CCDC148: variants seen among roughly 807,000 people sequenced by gnomAD.
CCDC148 encodes coiled-coil domain-containing protein 148.
Under a neutral mutation model 85.7 loss-of-function variants are expected in CCDC148, and 89 were observed. The observed-to-expected ratio is 1.04, with a 90% CI of 0.87 to 1.24. The LOEUF (loss-of-function observed/expected upper bound fraction) is 1.24, where lower values mean the gene tolerates loss of function less well. CCDC148 is among the 50% of genes most tolerant of loss of function. The probability of loss-of-function intolerance (pLI) is 0.00; values close to 1 mark genes in which losing one functional copy is unlikely to be tolerated. For synonymous variants in CCDC148, 230 were observed against 213.9 expected (o/e 1.08, Z -0.66); for missense variants, 692 against 671.7 (o/e 1.03, Z -0.33).
At chr2:158,282,822 T>G (rs1337843908) in intron 9 of CCDC148, among the ~76,000 whole-genome samples, 5 of 152,098 alleles carry the variant, frequency 3.3e-5, no homozygotes, top group Non-Finnish European at 7.4e-5. Flanking sequence ...CATCGCCAAG[T>G]CAATCCTAAG....
At chr2:158,202,249 G>A (rs78167952) in intron 11 of CCDC148, among the ~76,000 whole-genome samples, 5,293 of 152,214 alleles carry the variant, frequency 0.035, 285 homozygotes, top group African/African-American at 0.11. Context: ...ATTAATTAAC[G>A]TATGTATCTT....
rs201238385 is a variant in CCDC148, at chr2:158,356,976, C to T, written c.147+1473G>A. ...AAACATCATTCTCAGTAAACTATCG[C>T]AAGAACAAAAAACCAAACACTGCAT... On this transcript the variant is annotated intron_variant, in intron 2 of 13. Transcript: ENST00000283233. 3.5e-4 allele frequency among the ~76,000 whole-genome samples: 52 copies of T among 148,504 alleles called. No homozygotes were observed. The East Asian group carries it at 7.5e-3, about 21-fold the overall frequency.
At chr2:158,324,233 A>G (rs1350706743) in intron 7 of CCDC148, among the ~76,000 whole-genome samples, 1 of 151,932 alleles carries the variant, frequency 6.6e-6, no homozygotes, top group Admixed American at 6.6e-5. Flanking sequence ...AACTATTTTT[A>G]TTGTTTATTT....
At chr2:158,303,692 C>T (rs936911461) in intron 9 of CCDC148, among the ~76,000 whole-genome samples, 1 of 152,106 alleles carries the variant, frequency 6.6e-6, no homozygotes, top group Non-Finnish European at 1.5e-5. Context: ...GTTCTGATTT[C>T]CCCCACTGTC....
At chr2:158,421,556 A>G (rs1686782762) in intron 1 of CCDC148, among the ~76,000 whole-genome samples, 1 of 152,218 alleles carries the variant, frequency 6.6e-6, no homozygotes, top group African/African-American at 2.4e-5. Context: ...CAAAGACACA[A>G]CATACCACCA....
At chr2:158,438,868 T>C (rs976906289) in intron 1 of CCDC148, among the ~76,000 whole-genome samples, 1 of 151,918 alleles carries the variant, frequency 6.6e-6, no homozygotes, top group African/African-American at 2.4e-5. Context: ...AACAGACACA[T>C]GAAAAAATGC....
chr2:158,296,445 G>A (rs1691192672), intron 9 of CCDC148, among the ~76,000 whole-genome samples: 1 of 151,928 alleles, frequency 6.6e-6, no homozygotes, highest in African/African-American at 2.4e-5. Flanking sequence ...TTTTTTTAAT[G>A]GCTATGTATT....
intron 8 of CCDC148, among the ~76,000 whole-genome samples, chr2:158,310,913 G>A (rs538040177): frequency 4.7e-5 from 7 of 148,880 alleles, no homozygotes; most frequent in Non-Finnish European, 8.9e-5. Flanking sequence ...CATCCCAGAC[G>A]ATGGGCGGCC....
chr2:158,262,243 T>C (rs985096093), intron 9 of CCDC148, among the ~76,000 whole-genome samples: 1 of 151,970 alleles, frequency 6.6e-6, no homozygotes, highest in Non-Finnish European at 1.5e-5. Context: ...GTATTATCCT[T>C]AGCAAACTAA....
chr2:158,289,172 T>C (rs534196583), intron 9 of CCDC148, among the ~76,000 whole-genome samples: 1 of 152,328 alleles, frequency 6.6e-6, no homozygotes, highest in East Asian at 1.9e-4. Context: ...AGGAAATTAT[T>C]TCTTACATAA....
intron 11 of CCDC148, among the ~76,000 whole-genome samples, chr2:158,205,069 A>G (rs541969945): frequency 1.8e-4 from 27 of 152,242 alleles, no homozygotes; most frequent in African/African-American, 6.5e-4. Flanking sequence ...AAAACCACAG[A>G]AGGGTTTTCA....
intron 11 of CCDC148, among the ~76,000 whole-genome samples, chr2:158,184,085 G>A (rs1685040058): frequency 6.6e-6 from 1 of 152,078 alleles, no homozygotes. Flanking sequence ...ACACGGGCTG[G>A]GAGTCTCCAC....
At chr2:158,403,137 G>A (rs986722730) in intron 1 of CCDC148, among the ~76,000 whole-genome samples, 2 of 151,980 alleles carry the variant, frequency 1.3e-5, no homozygotes, top group Non-Finnish European at 2.9e-5. Flanking sequence ...TGAATCAATT[G>A]ATTTCATTTT....
intron 2 of CCDC148, among the ~76,000 whole-genome samples, chr2:158,348,340 C>T (rs1683095485): frequency 6.6e-6 from 1 of 151,808 alleles, no homozygotes; most frequent in Non-Finnish European, 1.5e-5. Flanking sequence ...AATGACACCA[C>T]CAGGATGTAA....
chr2:158,358,992 T>A (rs1683804535), intron 1 of CCDC148, among the ~76,000 whole-genome samples: 1 of 152,136 alleles, frequency 6.6e-6, no homozygotes, highest in Admixed American at 6.5e-5. Context: ...ATAGATGCAT[T>A]TTTAACTTAG....
At chr2:158,429,550 A>C (rs1385448988) in intron 1 of CCDC148, among the ~76,000 whole-genome samples, 1 of 152,222 alleles carries the variant, frequency 6.6e-6, no homozygotes, top group Admixed American at 6.5e-5. Context: ...AGTGGAAGAG[A>C]ACCTTTCAAG....
At chr2:158,233,927 C>T (rs1285769882) in intron 10 of CCDC148, among the ~76,000 whole-genome samples, 1 of 152,066 alleles carries the variant, frequency 6.6e-6, no homozygotes, top group Non-Finnish European at 1.5e-5. Context: ...CCTGTAATCT[C>T]AGCACTTTGG....
intron 9 of CCDC148, among the ~76,000 whole-genome samples, chr2:158,256,476 C>T (rs1689015464): frequency 6.6e-6 from 1 of 151,650 alleles, no homozygotes; most frequent in Admixed American, 6.6e-5. Flanking sequence ...ACTTTGTAAA[C>T]CTTTTAAATA....
chr2:158,353,262 A>G (rs1350920861), intron 2 of CCDC148, among the ~76,000 whole-genome samples: 1 of 125,308 alleles, frequency 8.0e-6, no homozygotes, highest in African/African-American at 3.0e-5. Flanking sequence ...AAATTCTCCA[A>G]TTAAAAGACA....
Sources: allele counts gnomAD v4.1 joint callset (sites outside exome capture counted in the v4.1 genomes callset), GRCh38; gene constraint gnomAD v4.1.1; transcripts MANE v1.5; gene names NCBI Gene and HGNC (gene_info 2026-07-23, HGNC 2026-07-21).